The following LRCH2 variants were observed in gnomAD, a reference collection of about 807,000 sequenced individuals.
LRCH2 encodes the protein leucine-rich repeat and calponin homology domain-containing protein 2.
Under a neutral mutation model 68.9 loss-of-function variants are expected in LRCH2, and 38 were observed. That is an observed-to-expected ratio of 0.55 (90% confidence interval 0.43 to 0.72). LRCH2 has a LOEUF of 0.72. LRCH2 is among the 30% of genes least tolerant of loss of function. The pLI, the probability that LRCH2 is intolerant of heterozygous loss-of-function variation, is 0.00. For synonymous variants in LRCH2, 191 were observed against 208.1 expected, an observed-to-expected ratio of 0.92 and a Z score of 0.71; for missense variants, 528 against 572.9, an observed-to-expected ratio of 0.92 and a Z score of 0.80.
intron 14 of LRCH2, among the ~76,000 whole-genome samples, chrX:115,130,980 T>G (rs1456455730): frequency 9.0e-6 from 1 of 111,679 alleles, no homozygotes; most frequent in Admixed American, 9.6e-5. Context: ...TTACAACTCA[T>G]GACTGCCCTG....
intron 11 of LRCH2, among the ~76,000 whole-genome samples, chrX:115,158,400 C>A (rs1569513876): frequency 8.9e-6 from 1 of 111,794 alleles, no homozygotes; most frequent in East Asian, 2.8e-4. Flanking sequence ...CTGAGAGATC[C>A]ACCTAATTAG....
intron 12 of LRCH2, among the ~76,000 whole-genome samples, chrX:115,153,840 GAGA>G (rs1452606578): frequency 2.7e-5 from 3 of 110,518 alleles, no homozygotes; most frequent in East Asian, 2.8e-4. Flanking sequence ...AAAGACAACA[GAGA>G]AGGAGGAAAA....
rs1396254693 is a variant in LRCH2, at chrX:115,114,406, A to G, written c.2179-1071T>C. Among the ~76,000 whole-genome samples the G allele has an allele frequency of 4.5e-5, 5 of 111,078 alleles. No homozygotes were observed. The East Asian group carries it at 1.1e-3, about 25-fold the overall frequency. ...AGAAAAGAAGGAAGGCTTCAAATCA[A>G]TGACTTCAGCTTCCACCCTAGAAAC... is the stretch of plus-strand genomic sequence containing the variant. On this transcript the variant is annotated intron_variant, in intron 20 of 20. Transcript: ENST00000317135.
At chrX:115,117,649 G>A (rs2072094930) in intron 20 of LRCH2, among the ~76,000 whole-genome samples, 1 of 111,199 alleles carries the variant, frequency 9.0e-6, no homozygotes, top group Admixed American at 9.6e-5. Context: ...CAACAACACT[G>A]ACGAGTCATA....
chrX:115,174,246 C>G (rs181509964), intron 5 of LRCH2, among the ~76,000 whole-genome samples: 1 of 111,279 alleles, frequency 9.0e-6, no homozygotes, highest in Non-Finnish European at 1.9e-5. Flanking sequence ...GTTCAACTCT[C>G]TTAACAAATT....
chrX:115,173,652 C>G (rs1323663721), intron 5 of LRCH2, among the ~76,000 whole-genome samples: 1 of 111,630 alleles, frequency 9.0e-6, no homozygotes, highest in Non-Finnish European at 1.9e-5. Context: ...TTCCCACCAC[C>G]CTGACTGAAC....
chrX:115,122,717 A>G lies in LRCH2; in HGVS notation c.2100+43T>C, dbSNP rs139218732. The G allele has an allele frequency of 3.9e-5, 47 of 1,193,464 alleles. No individual in the cohort carries two copies. The East Asian group carries it at 6.3e-4, about 16-fold the overall frequency. ...TATTTAAAGACAATTTTAAGAAGCTATATCTTCCTTTAGAGAACTAACAAA... is the reference window on the plus strand; with the variant it reads ...TATTTAAAGACAATTTTAAGAAGCTGTATCTTCCTTTAGAGAACTAACAAA... On this transcript the variant is annotated intron_variant, in intron 19 of 20. Transcript: ENST00000317135.
intron 1 of LRCH2, chrX:115,192,256 C>A (rs1010569231): frequency 1.7e-6 from 2 of 1,164,785 alleles, no homozygotes; most frequent in Non-Finnish European, 2.3e-6. Context: ...CAGTCATGGC[C>A]GGAGCCACCG....
At chrX:115,118,968 A>G (rs1421080446) in intron 20 of LRCH2, among the ~76,000 whole-genome samples, 1 of 111,527 alleles carries the variant, frequency 9.0e-6, no homozygotes, top group Non-Finnish European at 1.9e-5. Flanking sequence ...AAATTCAACA[A>G]CCCTTCATGC....
At chrX:115,191,381 CTG>C in intron 1 of LRCH2, 1 of 1,147,734 alleles carries the variant, frequency 8.7e-7, no homozygotes, top group East Asian at 3.3e-5. Flanking sequence ...GGCCGCTCGC[CTG>C]ATGCCTACAG....
At chrX:115,126,989 C>T (rs918988187) in intron 15 of LRCH2, 96 bp from the exon 16 acceptor site, 5 of 507,179 alleles carry the variant, frequency 9.9e-6, no homozygotes, top group Non-Finnish European at 1.5e-5. Context: ...TGACCAACTA[C>T]TAAAGGAAGA....
In LRCH2 at chrX:115,149,838, C is replaced by A. The variant is rs376978936; in HGVS notation, c.1684G>T (p.Glu562Ter). The change falls in exon 14 of 21, where the codon GAA becomes TAA. Residue 562 changes from glutamate to a stop codon, truncating the protein, a stop_gained. Transcript: ENST00000317135. LOFTEE classifies it high-confidence loss of function. ...ERRRSKQIRK[E>*]YFKYKSMRKS... ...TTAATATAGAGTACCTTGAAATATTCTTTTCTAATCTGTTTGCTCCGCCTC... is the reference window on the plus strand; with the variant it reads ...TTAATATAGAGTACCTTGAAATATTATTTTCTAATCTGTTTGCTCCGCCTC... The A allele has an allele frequency of 1.7e-6, 2 of 1,161,820 alleles. No individual in the cohort carries two copies. Among genetic ancestry groups the A allele is most frequent in the African/African-American group, 1.8e-5 (1 of 55,791 alleles).
At chrX:115,192,214 G>A (rs1184269104) in intron 1 of LRCH2, 4 of 1,161,555 alleles carry the variant, frequency 3.4e-6, no homozygotes, top group Non-Finnish European at 4.6e-6. Context: ...CAATGCCTAC[G>A]GCGGGGGCCG....
At chrX:115,217,948 G>C (rs782362548) in intron 1 of LRCH2, among the ~76,000 whole-genome samples, 267 of 111,582 alleles carry the variant, frequency 2.4e-3, no homozygotes, top group Middle Eastern at 0.018. Context: ...GTATCTCATT[G>C]TGGTTTTGAT....
In LRCH2 at chrX:115,185,923, G is replaced by A. The variant is rs1444695456; in HGVS notation, c.495-1386C>T. On this transcript the variant is annotated intron_variant, in intron 2 of 20. Transcript: ENST00000317135. Reference sequence around the variant, plus strand: ...AAGGGGGGTAGTATATAGGAAGAGAGAAGAGTTGAAAAATTATTTTACAAG... The same window carrying A: ...AAGGGGGGTAGTATATAGGAAGAGAAAAGAGTTGAAAAATTATTTTACAAG... Among the ~76,000 whole-genome samples the A allele has an allele frequency of 2.7e-5, 3 of 111,850 alleles. No individual in the cohort carries two copies. In the Admixed American group the frequency reaches 2.8e-4, roughly 11 times the overall value.
Position 115,122,839 on chromosome X carries a change from T to A in LRCH2, c.2021A>T (p.Asp674Val). ...GGCTAAATGGCAAAGAACAACCCCA[T>A]CCATCAGTGCAGCTCCAATGTCATC... ...LPDDIGAALM[D>V]GVVLCHLANH... Residue 674 changes from aspartate to valine, a missense_variant, in exon 19 of 21, where the codon GAT (aspartate) becomes GTT (valine). Physicochemically the swap from Asp to Val is radical, Grantham distance 152 (BLOSUM62 -3). Transcript: ENST00000317135. 8.3e-7 allele frequency: 1 copy of A among 1,209,773 alleles called. No individual in the cohort carries two copies. Among genetic ancestry groups the A allele is most frequent in the Non-Finnish European group, 1.1e-6 (1 of 894,257 alleles).
At chrX:115,140,950 A>C (rs1487349414) in intron 14 of LRCH2, among the ~76,000 whole-genome samples, 2 of 111,336 alleles carry the variant, frequency 1.8e-5, no homozygotes, top group African/African-American at 6.5e-5. Context: ...AACACACTTG[A>C]GGCCAGGCGT....
intron 2 of LRCH2, among the ~76,000 whole-genome samples, chrX:115,185,505 A>G (rs1285909810): frequency 8.9e-6 from 1 of 111,818 alleles, no homozygotes; most frequent in Non-Finnish European, 1.9e-5. Context: ...TTACATACTA[A>G]CAAGCACTGG....
chrX:115,128,739 A>G (rs1250098678), intron 15 of LRCH2, among the ~76,000 whole-genome samples: 1 of 112,303 alleles, frequency 8.9e-6, no homozygotes, highest in Non-Finnish European at 1.9e-5. Flanking sequence ...TGGCCCCTGG[A>G]TCATAATTTG....
Sources: allele counts gnomAD v4.1 joint callset (sites outside exome capture counted in the v4.1 genomes callset), GRCh38; gene constraint gnomAD v4.1.1; transcripts MANE v1.5; gene names NCBI Gene and HGNC (gene_info 2026-07-23, HGNC 2026-07-21).